CADPS2: variants seen among roughly 807,000 people sequenced by gnomAD.
The protein encoded by CADPS2 is calcium-dependent secretion activator 2.
In CADPS2, 93 loss-of-function variants were observed where a neutral mutation model predicts 172.5. The ratio of observed to expected loss-of-function variants is 0.54; its 90% CI spans 0.46 to 0.64. CADPS2 has a LOEUF of 0.64. Ranked by LOEUF, CADPS2 falls within the 30% of genes least tolerant of loss-of-function variation. The pLI is 0.00. For missense variants in CADPS2, 1,420 were observed against 1,565.9 expected, an observed-to-expected ratio of 0.91 and a Z score of 1.57; for synonymous variants, 546 against 555.2, an observed-to-expected ratio of 0.98 and a Z score of 0.23.
At chr7:122,688,857 C>G (rs1456080613) in intron 2 of CADPS2, among the ~76,000 whole-genome samples, 1 of 152,134 alleles carries the variant, frequency 6.6e-6, no homozygotes, top group South Asian at 2.1e-4. Flanking sequence ...ACTCCACCCC[C>G]TCGGCCAAGG....
chr7:122,399,749 C>T (rs1474444050), intron 20 of CADPS2, among the ~76,000 whole-genome samples: 1 of 127,448 alleles, frequency 7.8e-6, no homozygotes, highest in African/African-American at 2.9e-5. Context: ...TGCAGTGGCG[C>T]GATCTCGGCT....
chr7:122,658,707 G>A (rs1015978614), intron 3 of CADPS2, among the ~76,000 whole-genome samples: 1 of 152,138 alleles, frequency 6.6e-6, no homozygotes, highest in African/African-American at 2.4e-5. Context: ...GACACAGGAA[G>A]GGGAACGAAA....
chr7:122,768,028 A>T (rs944025460), intron 1 of CADPS2, among the ~76,000 whole-genome samples: 2 of 152,174 alleles, frequency 1.3e-5, no homozygotes, highest in African/African-American at 4.8e-5. Flanking sequence ...GGCCTTATAT[A>T]CAGGTTTTAT....
chr7:122,335,727 T>C (rs2035759668), intron 28 of CADPS2, among the ~76,000 whole-genome samples: 1 of 152,104 alleles, frequency 6.6e-6, no homozygotes, highest in Non-Finnish European at 1.5e-5. Flanking sequence ...TTGAGAAGTT[T>C]CAAAGGACAG....
Position 122,581,276 on chromosome 7 carries a change from CCTT to C in CADPS2, c.1235_1237del (p.Gln412_Gly413delinsArg). On this transcript the variant is annotated inframe_deletion, in exon 7 of 30. Coordinates refer to ENST00000449022, the MANE Select transcript of CADPS2 (RefSeq NM_017954.11). ...CCGAGGATGGGTGGTGGTGAAATCT[CCTT>C]GAGTCCCCCATCTGTAATGAAGTAA... is the stretch of plus-strand genomic sequence containing the variant. 6.2e-7 allele frequency: 1 copy of C among 1,612,724 alleles called. No individual in the cohort carries two copies.
At chr7:122,833,777 T>C (rs1239138456) in intron 1 of CADPS2, among the ~76,000 whole-genome samples, 2 of 152,162 alleles carry the variant, frequency 1.3e-5, no homozygotes, top group Non-Finnish European at 2.9e-5. Context: ...TAAGAGTATA[T>C]TTCTACTTCT....
intron 8 of CADPS2, among the ~76,000 whole-genome samples, chr7:122,537,098 A>T (rs1298872210): frequency 6.6e-6 from 1 of 152,030 alleles, no homozygotes; most frequent in East Asian, 1.9e-4. Context: ...TGATAAAATA[A>T]TCTGTATAAC....
chr7:122,682,701 C>T (rs2083186461), intron 2 of CADPS2, among the ~76,000 whole-genome samples: 1 of 152,168 alleles, frequency 6.6e-6, no homozygotes. Flanking sequence ...CACTCATCAG[C>T]TGGGAAATAA....
chr7:122,886,173 T>C lies in CADPS2; in HGVS notation c.165A>G (p.Arg55=), dbSNP rs563981249. The part of the protein sequence containing the change: ...PGRAGGGGAA[R]SVSPSPSVLS... ...GCACAGAGGGGCTCGGGCTCACAGA[T>C]CTGGCCGCGCCGCCGCCGCCCGCGC... Residue 55 remains arginine (R), a synonymous_variant, in exon 1 of 30, where the codon AGA becomes AGG. Transcript: ENST00000449022. 97 of 1,490,472 alleles carry C rather than the reference T, an allele frequency of 6.5e-5. No individual in the cohort carries two copies. In the Middle Eastern group the frequency reaches 1.4e-3, roughly 22 times the overall value. 92.3% of individuals were successfully genotyped at this position (1,490,472 alleles called of 1,614,324 possible). A position where few individuals can be genotyped will look rare whatever the true frequency, so the allele number is the denominator to read the frequency against.
intron 1 of CADPS2, among the ~76,000 whole-genome samples, chr7:122,827,916 A>G (rs1254840755): frequency 6.6e-6 from 1 of 152,220 alleles, no homozygotes; most frequent in East Asian, 1.9e-4. Context: ...AGGCAGGTTC[A>G]ATATTCAGTG....
At chr7:122,660,677 G>T (rs974860128) in intron 3 of CADPS2, among the ~76,000 whole-genome samples, 3 of 151,678 alleles carry the variant, frequency 2.0e-5, no homozygotes, top group Non-Finnish European at 4.4e-5. Flanking sequence ...TTGGGAGGCC[G>T]AGGCGGGCGG....
chr7:122,785,263 G>A (rs1232844786), intron 1 of CADPS2, among the ~76,000 whole-genome samples: 1 of 152,108 alleles, frequency 6.6e-6, no homozygotes, highest in African/African-American at 2.4e-5. Flanking sequence ...TGACTGTCTG[G>A]TGTTCCTCTA....
chr7:122,860,147 C>CCCATT (rs1369353783), intron 1 of CADPS2, among the ~76,000 whole-genome samples: 1 of 151,512 alleles, frequency 6.6e-6, no homozygotes, highest in Non-Finnish European at 1.5e-5. Flanking sequence ...CCAACTTCCT[C>CCCATT]CCAAGTTCAC....
chr7:122,623,230 CT>C (rs1482627481), intron 4 of CADPS2, among the ~76,000 whole-genome samples: 8 of 76,650 alleles, frequency 1.0e-4, no homozygotes, highest in African/African-American at 4.3e-4. Flanking sequence ...CCTGGGTTTC[CT>C]TTAGTGGGGC....
intron 17 of CADPS2, among the ~76,000 whole-genome samples, chr7:122,435,740 T>C (rs1028582588): frequency 1.3e-5 from 2 of 152,142 alleles, no homozygotes; most frequent in Non-Finnish European, 2.9e-5. Context: ...TGCAGCATTA[T>C]TCATTGAAAG....
intron 2 of CADPS2, among the ~76,000 whole-genome samples, chr7:122,670,061 C>T (rs2081632941): frequency 6.6e-6 from 1 of 151,926 alleles, no homozygotes; most frequent in Non-Finnish European, 1.5e-5. Flanking sequence ...ACGGTTCTCC[C>T]TCCCTCTCCC....
intron 1 of CADPS2, among the ~76,000 whole-genome samples, chr7:122,819,554 A>G (rs1220491123): frequency 6.6e-6 from 1 of 152,058 alleles, no homozygotes. Flanking sequence ...CCTTGCCTCC[A>G]TAACTGTTGT....
intron 1 of CADPS2, among the ~76,000 whole-genome samples, chr7:122,870,889 C>T (rs2141485314): frequency 6.6e-6 from 1 of 152,098 alleles, no homozygotes; most frequent in East Asian, 1.9e-4. Flanking sequence ...TAGCAGGGAA[C>T]ATTTTTCCCT....
At chr7:122,571,925 A>G (rs917312708) in intron 7 of CADPS2, among the ~76,000 whole-genome samples, 5 of 152,198 alleles carry the variant, frequency 3.3e-5, no homozygotes, top group East Asian at 3.9e-4. Flanking sequence ...ATAATTAACT[A>G]TACTAATTTT....
Sources: gnomAD v4.1 joint callset for allele counts (sites outside exome capture counted in the v4.1 genomes callset) on GRCh38, gnomAD v4.1.1 for gene constraint, MANE v1.5 for transcripts, NCBI Gene and HGNC (gene_info 2026-07-23, HGNC 2026-07-21) for gene names.